The following AFF3 variants were observed in gnomAD, a reference collection of about 807,000 sequenced individuals.
AFF3 encodes AF4/FMR2 family member 3.
A neutral mutation model predicts 129.7 loss-of-function variants in AFF3; 32 were observed. The observed-to-expected ratio is 0.25, with a 90% CI of 0.19 to 0.33. The LOEUF (loss-of-function observed/expected upper bound fraction) is 0.33, where lower values mean the gene tolerates loss of function less well. Among genes scored for constraint, AFF3 ranks in the 10% least tolerant of loss-of-function variants. AFF3 has a pLI of 1.00. For missense variants in AFF3, 1,373 were observed against 1,592.0 expected, an observed-to-expected ratio of 0.86 and a Z score of 2.34; for synonymous variants, 644 against 635.4, an observed-to-expected ratio of 1.01 and a Z score of -0.20.
At chr2:100,018,756 G>T (rs1286150654) in intron 4 of AFF3, among the ~76,000 whole-genome samples, 1 of 151,932 alleles carries the variant, frequency 6.6e-6, no homozygotes, top group East Asian at 1.9e-4. Context: ...TTAACCAAAT[G>T]AGACCCACTT....
intron 7 of AFF3, among the ~76,000 whole-genome samples, chr2:99,859,330 T>C (rs1295189896): frequency 2.6e-5 from 4 of 152,116 alleles, no homozygotes; most frequent in Admixed American, 2.0e-4. Context: ...CTTTTGAGAG[T>C]GGTCTGGGAA....
chr2:100,069,062 A>G (rs546587879), intron 4 of AFF3, among the ~76,000 whole-genome samples: 11 of 151,946 alleles, frequency 7.2e-5, no homozygotes, highest in African/African-American at 2.7e-4. Flanking sequence ...CCCAGGTGTT[A>G]AGCCTAGTAC....
chr2:99,835,515 A>T (rs969184484), intron 8 of AFF3, among the ~76,000 whole-genome samples: 6 of 151,982 alleles, frequency 3.9e-5, no homozygotes, highest in Non-Finnish European at 7.4e-5. Flanking sequence ...CCATTCCAGG[A>T]AACACTGGGA....
At position 99,592,909 on chromosome 2, in the gene AFF3, T is replaced by C. The variant is rs547310508; in HGVS notation, c.2466+286A>G. 9.4e-4 allele frequency among the ~76,000 whole-genome samples: 141 copies of C among 149,694 alleles called. 1 individual carries two copies. The highest frequency in any genetic ancestry group is 3.3e-3 in the African/African-American group (132 of 40,476). ...CGAGATTGTGCCATCGTACTCCTGC[T>C]TGGGCGACAGAGTGAGACTCCCTCC... On this transcript the variant is annotated intron_variant, in intron 15 of 24. Coordinates refer to ENST00000672756, the MANE Select transcript of AFF3 (RefSeq NM_001386135.1).
At chr2:99,921,302 G>A (rs1336082584) in intron 7 of AFF3, among the ~76,000 whole-genome samples, 1 of 152,062 alleles carries the variant, frequency 6.6e-6, no homozygotes, top group Admixed American at 6.6e-5. Context: ...AAAATTCTTA[G>A]AGTAGTCTTC....
chr2:100,042,167 GT>G (rs1315050095), intron 4 of AFF3, among the ~76,000 whole-genome samples: 1 of 152,032 alleles, frequency 6.6e-6, no homozygotes, highest in African/African-American at 2.4e-5. Flanking sequence ...AAAGGCCCTT[GT>G]CCCCGCTGTT....
At chr2:99,735,746 G>C (rs553547047) in intron 10 of AFF3, among the ~76,000 whole-genome samples, 1 of 152,280 alleles carries the variant, frequency 6.6e-6, no homozygotes, top group Admixed American at 6.5e-5. Flanking sequence ...GCCCACCTCA[G>C]CCTCCTAAAG....
chr2:99,881,723 A>C (rs766334689), intron 7 of AFF3, among the ~76,000 whole-genome samples: 1 of 152,218 alleles, frequency 6.6e-6, no homozygotes, highest in Non-Finnish European at 1.5e-5. Context: ...CCCTCAATGG[A>C]AAAGGATTAG....
intron 8 of AFF3, among the ~76,000 whole-genome samples, chr2:99,755,493 C>T (rs1164594297): frequency 6.6e-6 from 1 of 152,134 alleles, no homozygotes; most frequent in Admixed American, 6.5e-5. Flanking sequence ...TCTCGAACTT[C>T]CGACCTCAGG....
intron 4 of AFF3, among the ~76,000 whole-genome samples, chr2:100,051,497 G>A (rs1411133177): frequency 6.6e-6 from 1 of 152,174 alleles, no homozygotes; most frequent in Non-Finnish European, 1.5e-5. Flanking sequence ...TTAGGATGAG[G>A]CCAAGCTTGT....
chr2:99,729,263 G>A (rs1679609397), intron 10 of AFF3, among the ~76,000 whole-genome samples: 1 of 152,186 alleles, frequency 6.6e-6, no homozygotes, highest in South Asian at 2.1e-4. Context: ...TTGGATGTTT[G>A]AAGAAATATG....
chr2:100,073,022 T>C (rs889753451), intron 4 of AFF3, among the ~76,000 whole-genome samples: 4 of 152,202 alleles, frequency 2.6e-5, no homozygotes, highest in African/African-American at 2.4e-5. Flanking sequence ...AGGCCAACGC[T>C]GTGAGTGTCA....
chr2:99,548,211 G>T lies in AFF3; in HGVS notation c.*3263C>A, dbSNP rs1321870447. On this transcript the variant is annotated 3_prime_UTR_variant, in exon 25 of 25. Coordinates refer to ENST00000672756, the MANE Select transcript of AFF3 (RefSeq NM_001386135.1). ...GAAGGATATGGTCAGTTGAACTTGT[G>T]TTGAACTTTGGAGGCAAATGTACGT... 1.0e-5 allele frequency: 2 copies of T among 196,154 alleles called. No homozygotes were observed. The highest frequency in any genetic ancestry group is 4.6e-5 in the African/African-American group (2 of 43,300). 12.2% of individuals were successfully genotyped at this position (196,154 alleles called of 1,614,324 possible). A position where few individuals can be genotyped will look rare whatever the true frequency, so the allele number is the denominator to read the frequency against.
At chr2:100,114,507 G>A (rs1042548567) in intron 2 of AFF3, among the ~76,000 whole-genome samples, 6 of 152,122 alleles carry the variant, frequency 3.9e-5, no homozygotes, top group East Asian at 1.9e-4. Context: ...TCAGCCTCCC[G>A]AGTAGCTGGG....
intron 4 of AFF3, among the ~76,000 whole-genome samples, chr2:100,016,103 T>C (rs1372441170): frequency 1.3e-5 from 2 of 150,726 alleles, no homozygotes; most frequent in East Asian, 3.9e-4. Context: ...GTGGTAGTGA[T>C]GGTGGTGGTG....
At chr2:100,061,303 T>C (rs1291375616) in intron 4 of AFF3, among the ~76,000 whole-genome samples, 1 of 152,156 alleles carries the variant, frequency 6.6e-6, no homozygotes, top group East Asian at 1.9e-4. Context: ...TTTTTAATGA[T>C]GGTTAATCCG....
At chr2:99,689,335 G>A (rs969600705) in intron 11 of AFF3, among the ~76,000 whole-genome samples, 1 of 152,096 alleles carries the variant, frequency 6.6e-6, no homozygotes, top group Non-Finnish European at 1.5e-5. Context: ...CTGGAATGAT[G>A]CAAAGTCTTT....
rs1318066484 is a variant in AFF3, at chr2:99,941,177, G to A, written c.873+65455C>T. Among the ~76,000 whole-genome samples, 9 of 152,152 alleles carry A rather than the reference G, an allele frequency of 5.9e-5. No homozygotes were observed. In the East Asian group the frequency reaches 1.3e-3, roughly 23 times the overall value. ...AGAAGGTGGGTCTGACCAAGGGCCC[G>A]TCTCCAGGCCACAGACGGTGACCAC... On this transcript the variant is annotated intron_variant, in intron 7 of 24. Coordinates refer to ENST00000672756, the MANE Select transcript of AFF3 (RefSeq NM_001386135.1).
At chr2:99,886,218 G>A (rs920091783) in intron 7 of AFF3, among the ~76,000 whole-genome samples, 4 of 152,140 alleles carry the variant, frequency 2.6e-5, no homozygotes, top group Non-Finnish European at 2.9e-5. Flanking sequence ...AGGTTTACCT[G>A]ACCTTACTTG....
Sources: allele counts gnomAD v4.1 joint callset (sites outside exome capture counted in the v4.1 genomes callset), GRCh38; gene constraint gnomAD v4.1.1; transcripts MANE v1.5; gene names NCBI Gene and HGNC (gene_info 2026-07-23, HGNC 2026-07-21).